IPO8: variants seen among roughly 807,000 people sequenced by gnomAD.
IPO8 encodes the protein importin-8.
A neutral mutation model predicts 141.2 loss-of-function variants in IPO8; 65 were observed. The ratio of observed to expected loss-of-function variants is 0.46; its 90% CI spans 0.38 to 0.57. The LOEUF (loss-of-function observed/expected upper bound fraction) is 0.57, where lower values mean the gene tolerates loss of function less well. Ranked by LOEUF, IPO8 falls within the 20% of genes least tolerant of loss-of-function variation. The pLI, the probability that IPO8 is intolerant of heterozygous loss-of-function variation, is 0.00. For missense variants in IPO8, 980 were observed against 1,246.8 expected, an observed-to-expected ratio of 0.79 and a Z score of 3.22; for synonymous variants, 411 against 420.3, an observed-to-expected ratio of 0.98 and a Z score of 0.27.
intron 3 of IPO8, among the ~76,000 whole-genome samples, chr12:30,682,735 AT>A (rs1449803008): frequency 6.6e-6 from 1 of 152,178 alleles, no homozygotes; most frequent in Non-Finnish European, 1.5e-5. Flanking sequence ...TAAAAAAAAA[AT>A]AAAGCATTTT....
chr12:30,690,692 A>G (rs2053283752), intron 1 of IPO8, 115 bp from the exon 2 acceptor site: 2 of 562,728 alleles, frequency 3.6e-6, no homozygotes, highest in Non-Finnish European at 6.2e-6. Context: ...TTTTAAACTG[A>G]GACAAACCCT....
chr12:30,658,365 T>A (rs2052830096), intron 16 of IPO8, among the ~76,000 whole-genome samples: 1 of 152,240 alleles, frequency 6.6e-6, no homozygotes, highest in Admixed American at 6.5e-5. Context: ...AGACGAAGAT[T>A]CCGGTTGGTT....
At chr12:30,650,351 A>C (rs926121013) in intron 19 of IPO8, among the ~76,000 whole-genome samples, 1 of 152,126 alleles carries the variant, frequency 6.6e-6, no homozygotes, top group African/African-American at 2.4e-5. Context: ...GTACATATAC[A>C]AAGACAGAAA....
chr12:30,667,736 C>T (rs961332424), intron 10 of IPO8, among the ~76,000 whole-genome samples: 2 of 152,208 alleles, frequency 1.3e-5, no homozygotes, highest in Non-Finnish European at 2.9e-5. Flanking sequence ...TGTTAATCAA[C>T]AGACATAGAG....
intron 22 of IPO8, among the ~76,000 whole-genome samples, chr12:30,636,346 T>C (rs2052499988): frequency 6.6e-6 from 1 of 152,122 alleles, no homozygotes; most frequent in African/African-American, 2.4e-5. Context: ...AGGAGAATGC[T>C]ACTTCCTAGT....
At chr12:30,693,059 T>C (rs1019747098) in intron 1 of IPO8, among the ~76,000 whole-genome samples, 8 of 152,218 alleles carry the variant, frequency 5.3e-5, no homozygotes, top group African/African-American at 1.7e-4. Flanking sequence ...CATGTACACA[T>C]GCATGGAAAG....
intron 1 of IPO8, among the ~76,000 whole-genome samples, chr12:30,691,691 T>G (rs2053292521): frequency 6.6e-6 from 1 of 152,202 alleles, no homozygotes; most frequent in African/African-American, 2.4e-5. Context: ...AGAGCCTGGA[T>G]CTGTGGGGGC....
chr12:30,690,320 A>G lies in IPO8; in HGVS notation c.166+176T>C, dbSNP rs144974028. Among the ~76,000 whole-genome samples, 798 of 152,352 alleles carry G rather than the reference A, an allele frequency of 5.2e-3. 7 individuals carry two copies. Among genetic ancestry groups the G allele is most frequent in the South Asian group, 0.017 (81 of 4,828 alleles). The stretch of plus-strand genomic sequence containing the variant: ...GCTAGAAGATATTTGAGAGCTCAGT[A>G]TCTACCTCTAAATTTCTGGGGAAAA... On this transcript the variant is annotated intron_variant, in intron 2 of 24. Coordinates refer to ENST00000256079, the MANE Select transcript of IPO8 (RefSeq NM_006390.4).
chr12:30,639,843 A>T, intron 20 of IPO8, 108 bp from the exon 21 acceptor site: 1 of 732,928 alleles, frequency 1.4e-6, no homozygotes, highest in Non-Finnish European at 2.4e-6. Flanking sequence ...CTTAATGGCA[A>T]TGAGACTTTT....
intron 20 of IPO8, among the ~76,000 whole-genome samples, chr12:30,640,789 C>CTA (rs1345637864): frequency 6.6e-6 from 1 of 152,132 alleles, no homozygotes. Flanking sequence ...TTCTGGTGTT[C>CTA]TATAGCACTA....
chr12:30,676,513 G>A lies in IPO8; in HGVS notation c.714C>T (p.Asp238=). The change falls in exon 6 of 25, where the codon GAC becomes GAT. Residue 238 remains aspartate, a synonymous_variant. Coordinates refer to ENST00000256079, the MANE Select transcript of IPO8 (RefSeq NM_006390.4). Reference sequence around the variant, plus strand: ...TTTTTCTTACAGGAGGAACGGTCCTGTCGATAATAGTTCGGAAGATCTCCA... The same window carrying A: ...TTTTTCTTACAGGAGGAACGGTCCTATCGATAATAGTTCGGAAGATCTCCA... ...TWMEIFRTII[D]RTVPPETLHI... is the part of the protein sequence containing the mutation. 1.2e-6 allele frequency: 2 copies of A among 1,612,800 alleles called. No homozygotes were observed. Among genetic ancestry groups the A allele is most frequent in the Non-Finnish European group, 1.7e-6 (2 of 1,179,002 alleles).
rs200366385 is a variant in IPO8, at chr12:30,663,589, G to T, written c.1494C>A (p.Ala498=). The T allele has an allele frequency of 3.0e-5, 49 of 1,613,068 alleles. No homozygotes were observed. The highest frequency in any genetic ancestry group is 6.7e-5 in the African/African-American group (5 of 74,846). ...TCAGGCTCTTCTTCGCTAATTCAACGGCATTTCTTAGATTGAGCTCATTAT... is the reference window on the plus strand; with the variant it reads ...TCAGGCTCTTCTTCGCTAATTCAACTGCATTTCTTAGATTGAGCTCATTAT... The part of the protein sequence containing the change: ...KFHNELNLRN[A]VELAKKSLIE... The change falls in exon 14 of 25, where the codon GCC becomes GCA. Residue 498 remains alanine, a synonymous_variant. Transcript: ENST00000256079.
chr12:30,659,459 A>G (rs1041770271), intron 16 of IPO8, among the ~76,000 whole-genome samples: 1 of 150,184 alleles, frequency 6.7e-6, no homozygotes, highest in African/African-American at 2.4e-5. Context: ...CCTGGGCAAC[A>G]GAGCAAGACT....
intron 19 of IPO8, among the ~76,000 whole-genome samples, chr12:30,651,801 T>G (rs912512503): frequency 6.6e-6 from 1 of 152,076 alleles, no homozygotes; most frequent in Non-Finnish European, 1.5e-5. Context: ...AATTTTTATC[T>G]TATGTTGTTT....
chr12:30,630,849 T>C lies in IPO8; in HGVS notation c.*11A>G. 1 of 1,597,088 alleles carries C rather than the reference T, an allele frequency of 6.3e-7. No homozygotes were observed. Among genetic ancestry groups the C allele is most frequent in the Non-Finnish European group, 8.6e-7 (1 of 1,165,262 alleles). ...GCAGCGATGACATTTGGTCAGCTGA[T>C]GTTCTTTCCTTCAGTTGTTGCTGGG... On this transcript the variant is annotated 3_prime_UTR_variant, in exon 25 of 25. Transcript: ENST00000256079.
chr12:30,658,268 T>A (rs2052829065), intron 16 of IPO8, among the ~76,000 whole-genome samples: 1 of 152,204 alleles, frequency 6.6e-6, no homozygotes, highest in Admixed American at 6.5e-5. Flanking sequence ...TATTTGTCAG[T>A]GTTTCATAAA....
intron 10 of IPO8, among the ~76,000 whole-genome samples, chr12:30,667,474 A>G (rs1470802942): frequency 6.6e-6 from 1 of 152,242 alleles, no homozygotes; most frequent in African/African-American, 2.4e-5. Flanking sequence ...AAACTAAAAC[A>G]TTATTATTAA....
rs1374795092 is a variant in IPO8 at position 30,695,697 on chromosome 12, G to A, written c.-50C>T. ...CCCCGGAACAGTAGGCCGGACTGCA[G>A]CTTTAGTTTTCTTTTGACCCTCTCA... On this transcript the variant is annotated 5_prime_UTR_variant, in exon 1 of 25. Transcript: ENST00000256079. The surrounding 1 kb of genome is among the most constrained non-coding windows in gnomAD (Gnocchi z 4.2). The A allele has an allele frequency of 6.5e-7, 1 of 1,544,176 alleles. No homozygotes were observed. The highest frequency in any genetic ancestry group is 1.1e-5 in the South Asian group (1 of 88,484).
At chr12:30,658,055 T>C (rs7300234) in intron 16 of IPO8, among the ~76,000 whole-genome samples, 83,091 of 151,962 alleles carry the variant, frequency 0.55, 23,333 homozygotes, top group African/African-American at 0.67. Context: ...TAAGTTAAAA[T>C]CTATGACGGG....
Sources: allele counts gnomAD v4.1 joint callset (sites outside exome capture counted in the v4.1 genomes callset), GRCh38; gene constraint gnomAD v4.1.1; non-coding constraint Gnocchi (gnomAD v3.1); transcripts MANE v1.5; gene names NCBI Gene and HGNC (gene_info 2026-07-23, HGNC 2026-07-21).